PPP4R3B: variants seen among roughly 807,000 people sequenced by gnomAD.
PPP4R3B encodes serine/threonine-protein phosphatase 4 regulatory subunit 3B.
A neutral mutation model predicts 95.4 loss-of-function variants in PPP4R3B; 52 were observed. The observed-to-expected ratio is 0.54, with a 90% confidence interval of 0.44 to 0.69. The LOEUF is 0.69. Among genes scored for constraint, PPP4R3B ranks in the 30% least tolerant of loss-of-function variants. PPP4R3B has a pLI of 0.00. For missense variants in PPP4R3B, 1,003 were observed against 1,005.9 expected (o/e 1.00, Z 0.04); for synonymous variants, 407 against 343.9 (o/e 1.18, Z -2.03).
intron 13 of PPP4R3B, among the ~76,000 whole-genome samples, chr2:55,566,820 A>C (rs576613231): frequency 6.6e-6 from 1 of 152,304 alleles, no homozygotes; most frequent in East Asian, 1.9e-4. Context: ...CAGCCTGGGC[A>C]ACAAAGGGAG....
intron 10 of PPP4R3B, 36 bp downstream of exon 10, chr2:55,578,211 T>C: frequency 7.4e-7 from 1 of 1,346,782 alleles, no homozygotes. Context: ...ACAACATAAG[T>C]AAATATAGGA....
At chr2:55,584,998 A>G in intron 7 of PPP4R3B, 53 bp downstream of exon 7, 1 of 1,255,244 alleles carries the variant, frequency 8.0e-7, no homozygotes, top group Non-Finnish European at 1.1e-6. Context: ...ATAGTTTGCA[A>G]ACACTACTCA....
At position 55,615,592 on chromosome 2, in the gene PPP4R3B, T is replaced by C. The variant is rs1305863921; in HGVS notation, c.143-86A>G. The stretch of plus-strand genomic sequence containing the variant: ...GAATACACATTAAAGCCGGGCGCAG[T>C]GGCTCACGTCTGTAATCCTAGCACT... On this transcript the variant is annotated intron_variant, in intron 1 of 16. Coordinates refer to ENST00000616407, the MANE Select transcript of PPP4R3B (RefSeq NM_001122964.3). 13 of 907,142 alleles carry C rather than the reference T, an allele frequency of 1.4e-5. No homozygotes were observed. The Admixed American group carries it at 2.7e-4, about 19-fold the overall frequency. The allele number at this position is 907,142 out of a possible 1,614,324, so 56.2% of individuals were successfully genotyped here. A position where few individuals can be genotyped will look rare whatever the true frequency, so the allele number is the denominator to read the frequency against.
Position 55,549,977 on chromosome 2 carries a change from T to C in PPP4R3B, c.2484A>G (p.Pro828=), listed in dbSNP as rs1194713677. ...CTTCTTCATCTTCCTCTTCATCATC[T>C]GGATAATCCACTAAGCCAACCAAAC... ...KGSLVGLVDY[P]DDEEEDEEEE... is the part of the protein sequence containing the mutation. Residue 828 remains proline, a synonymous_variant, in exon 17 of 17, where the codon CCA becomes CCG. Transcript: ENST00000616407. The C allele has an allele frequency of 1.2e-6, 2 of 1,612,634 alleles. No individual in the cohort carries two copies. Among genetic ancestry groups the C allele is most frequent in the African/African-American group, 2.7e-5 (2 of 74,968 alleles).
intron 4 of PPP4R3B, 23 bp downstream of exon 4, chr2:55,598,393 G>T: frequency 6.2e-7 from 1 of 1,604,234 alleles, no homozygotes. Context: ...AAATGGAATC[G>T]TGAAGAGTAT....
intron 4 of PPP4R3B, among the ~76,000 whole-genome samples, chr2:55,596,662 G>C (rs984272498): frequency 2.0e-5 from 3 of 152,190 alleles, no homozygotes; most frequent in African/African-American, 4.8e-5. Context: ...ACAGGAAAAG[G>C]GTTAAATATA....
chr2:55,603,706 C>T (rs1572711804), intron 3 of PPP4R3B, among the ~76,000 whole-genome samples: 1 of 152,176 alleles, frequency 6.6e-6, no homozygotes, highest in East Asian at 1.9e-4. Context: ...TTTTGGTTTG[C>T]TTAAAGTACT....
chr2:55,564,818 G>T, intron 14 of PPP4R3B, 84 bp downstream of exon 14: 1 of 1,521,714 alleles, frequency 6.6e-7, no homozygotes, highest in South Asian at 1.2e-5. Flanking sequence ...AAATTCCTCA[G>T]TAAATTTCAC....
In PPP4R3B at chr2:55,579,794, A is replaced by C; in HGVS notation, c.1366-13T>G. On this transcript the variant is annotated splice_polypyrimidine_tract_variant and intron_variant, in intron 8 of 16. Coordinates refer to ENST00000616407, the MANE Select transcript of PPP4R3B (RefSeq NM_001122964.3). ...TTTTTTCGGTTTTCTGAAACATAGA[A>C]TTTTTTAAACAATACTGTTACTTAT... is the stretch of plus-strand genomic sequence containing the variant. 6.6e-7 allele frequency: 1 copy of C among 1,512,654 alleles called. No homozygotes were observed. Among genetic ancestry groups the C allele is most frequent in the Non-Finnish European group, 9.1e-7 (1 of 1,098,324 alleles). 93.7% of individuals were successfully genotyped at this position (1,512,654 alleles called of 1,614,324 possible).
rs886803479 is a variant in PPP4R3B at position 55,617,043 on chromosome 2, G to A, written c.142+101C>T. The A allele has an allele frequency of 7.9e-6, 11 of 1,389,986 alleles. No individual in the cohort carries two copies. In the African/African-American group the frequency reaches 1.6e-4, roughly 20 times the overall value. The allele number at this position is 1,389,986 out of a possible 1,614,324, so 86.1% of individuals were successfully genotyped here. The stretch of plus-strand genomic sequence containing the variant: ...AGAGCCAGTTCAGAACCAACGCGCT[G>A]TCCCGAAGGAGTAGCAACGGTAACG... On this transcript the variant is annotated intron_variant, in intron 1 of 16. Transcript: ENST00000616407.
intron 16 of PPP4R3B, among the ~76,000 whole-genome samples, chr2:55,551,719 C>T (rs1685269395): frequency 1.3e-5 from 2 of 151,942 alleles, no homozygotes; most frequent in Non-Finnish European, 2.9e-5. Flanking sequence ...CCACTGCACT[C>T]CAGCCTGGGC....
intron 4 of PPP4R3B, among the ~76,000 whole-genome samples, chr2:55,589,633 T>C (rs994235657): frequency 2.0e-4 from 31 of 152,166 alleles, no homozygotes; most frequent in African/African-American, 7.5e-4. Flanking sequence ...TATAGTCAAG[T>C]GGCCAGGCGC....
intron 2 of PPP4R3B, among the ~76,000 whole-genome samples, chr2:55,612,558 C>T (rs1460923737): frequency 6.6e-6 from 1 of 151,288 alleles, no homozygotes; most frequent in South Asian, 2.1e-4. Context: ...TCTACAAACA[C>T]AACAACAACA....
intron 2 of PPP4R3B, among the ~76,000 whole-genome samples, chr2:55,609,416 T>A (rs1228258470): frequency 6.6e-6 from 1 of 152,156 alleles, no homozygotes; most frequent in African/African-American, 2.4e-5. Context: ...GTGTGACGAC[T>A]CATGTCTGTA....
chr2:55,599,968 C>A (rs1692321368), intron 3 of PPP4R3B, among the ~76,000 whole-genome samples: 1 of 152,146 alleles, frequency 6.6e-6, no homozygotes, highest in Non-Finnish European at 1.5e-5. Flanking sequence ...ATATGTACTT[C>A]TAAACTTATG....
rs1684891564 is a variant in PPP4R3B, at chr2:55,548,032, G to A, written c.*1879C>T. ...ATTTGATGATTCAAAGAAAGTGGATGGGAACTTTACTGATCTTAGTTTAAA... is the reference window on the plus strand; with the variant it reads ...ATTTGATGATTCAAAGAAAGTGGATAGGAACTTTACTGATCTTAGTTTAAA... On this transcript the variant is annotated 3_prime_UTR_variant, in exon 17 of 17. Transcript: ENST00000616407. 6.6e-6 allele frequency: 1 copy of A among 152,174 alleles called. No individual in the cohort carries two copies. Among genetic ancestry groups the A allele is most frequent in the African/African-American group, 2.4e-5 (1 of 41,432 alleles). 9.4% of individuals were successfully genotyped at this position (152,174 alleles called of 1,614,324 possible). A position where few individuals can be genotyped will look rare whatever the true frequency, so the allele number is the denominator to read the frequency against.
chr2:55,563,008 C>T (rs535517704), intron 15 of PPP4R3B, among the ~76,000 whole-genome samples: 2 of 152,254 alleles, frequency 1.3e-5, no homozygotes, highest in East Asian at 3.9e-4. Flanking sequence ...CTTTTAACAT[C>T]TGGTTATTAT....
intron 6 of PPP4R3B, among the ~76,000 whole-genome samples, chr2:55,585,819 G>T (rs1187415453): frequency 6.6e-6 from 1 of 151,978 alleles, no homozygotes; most frequent in African/African-American, 2.4e-5. Flanking sequence ...TGGTGAGAGG[G>T]GTCTAACATC....
chr2:55,588,508 C>G (rs1177800156), intron 5 of PPP4R3B, among the ~76,000 whole-genome samples: 1 of 141,552 alleles, frequency 7.1e-6, no homozygotes, highest in African/African-American at 2.6e-5. Flanking sequence ...AGCGAAACTC[C>G]ATCTCAGAAA....
Sources: allele counts gnomAD v4.1 joint callset (sites outside exome capture counted in the v4.1 genomes callset), GRCh38; gene constraint gnomAD v4.1.1; transcripts MANE v1.5; gene names NCBI Gene and HGNC (gene_info 2026-07-23, HGNC 2026-07-21).